AFF4: variants seen among roughly 807,000 people sequenced by gnomAD.
The protein encoded by AFF4 is AF4/FMR2 family member 4.
A neutral mutation model predicts 124.8 loss-of-function variants in AFF4; 13 were observed. The ratio of observed to expected loss-of-function variants is 0.10; its 90% CI spans 0.07 to 0.17. The LOEUF (loss-of-function observed/expected upper bound fraction) is 0.17. Among genes scored for constraint, AFF4 ranks in the 10% least tolerant of loss-of-function variants. AFF4 has a pLI of 1.00. For missense variants in AFF4, 1,092 were observed against 1,403.8 expected, an observed-to-expected ratio of 0.78 and a Z score of 3.55; for synonymous variants, 477 against 496.1, an observed-to-expected ratio of 0.96 and a Z score of 0.51.
intron 5 of AFF4, among the ~76,000 whole-genome samples, chr5:132,911,825 TA>T (rs1209501088): frequency 8.1e-6 from 1 of 123,058 alleles, no homozygotes; most frequent in East Asian, 2.3e-4. Context: ...AAGCAATGAT[TA>T]AAAAAAAACT....
At chr5:132,906,772 G>A (rs1020327834) in intron 5 of AFF4, among the ~76,000 whole-genome samples, 1 of 151,786 alleles carries the variant, frequency 6.6e-6, no homozygotes, top group African/African-American at 2.4e-5. Context: ...ATAGAGCAGT[G>A]GGCAAGAGGT....
chr5:132,948,512 C>A (rs17624246), intron 1 of AFF4: 22,614 of 152,942 alleles, frequency 0.15, 1,925 homozygotes, highest in Middle Eastern at 0.2. Context: ...CTCACAGTGA[C>A]GAGCATGTTC....
At chr5:132,921,126 CA>C (rs57115662) in intron 5 of AFF4, among the ~76,000 whole-genome samples, 34,232 of 87,668 alleles carry the variant, frequency 0.39, 4,170 homozygotes, top group East Asian at 0.6. Flanking sequence ...GACTCTGTCA[CA>C]AAAAAAAAAA....
chr5:132,944,292 G>GCGGAGCTTGCAGTGAGCCGAGA (rs1489618284), intron 1 of AFF4, among the ~76,000 whole-genome samples: 2 of 151,578 alleles, frequency 1.3e-5, no homozygotes, highest in African/African-American at 2.4e-5. Context: ...AGCCGAGATC[G>GCGGAGCTTGCAGTGAGCCGAGA]TGCCGCTGCA....
chr5:132,913,599 G>A (rs1472706747), intron 5 of AFF4, among the ~76,000 whole-genome samples: 2 of 152,030 alleles, frequency 1.3e-5, no homozygotes, highest in Non-Finnish European at 2.9e-5. Flanking sequence ...GCCCACCACC[G>A]TGCCCGGCTG....
At chr5:132,951,940 T>G (rs1761851808) in intron 1 of AFF4, among the ~76,000 whole-genome samples, 1 of 152,258 alleles carries the variant, frequency 6.6e-6, no homozygotes. Flanking sequence ...ACAACTCAGT[T>G]TTTTGAATCC....
At chr5:132,960,225 A>G (rs753980277) in intron 1 of AFF4, among the ~76,000 whole-genome samples, 12 of 152,246 alleles carry the variant, frequency 7.9e-5, no homozygotes, top group Non-Finnish European at 1.3e-4. Context: ...TGAATAAGGG[A>G]ATGGGTAAAA....
intron 1 of AFF4, among the ~76,000 whole-genome samples, chr5:132,952,443 G>A (rs1761866676): frequency 1.3e-5 from 2 of 152,168 alleles, no homozygotes; most frequent in South Asian, 4.1e-4. Context: ...TATACTCTTT[G>A]GCTTCTGTAA....
At chr5:132,899,991 C>T (rs1376021797) in intron 7 of AFF4, among the ~76,000 whole-genome samples, 2 of 152,112 alleles carry the variant, frequency 1.3e-5, no homozygotes, top group East Asian at 1.9e-4. Context: ...CAAAGTCATA[C>T]CCAACAATCC....
chr5:132,886,148 G>A (rs1760114084), intron 18 of AFF4, among the ~76,000 whole-genome samples, 162 bp downstream of exon 18: 1 of 152,156 alleles, frequency 6.6e-6, no homozygotes, highest in African/African-American at 2.4e-5. Flanking sequence ...GATACACGTA[G>A]ATTAAAAAAC....
intron 5 of AFF4, among the ~76,000 whole-genome samples, chr5:132,908,619 T>C (rs775939762): frequency 2.0e-5 from 3 of 151,662 alleles, no homozygotes; most frequent in Non-Finnish European, 1.5e-5. Context: ...ACAGTATTCA[T>C]ATTAGAACTG....
At chr5:132,907,344 T>C (rs188441295) in intron 5 of AFF4, among the ~76,000 whole-genome samples, 1 of 152,298 alleles carries the variant, frequency 6.6e-6, no homozygotes, top group Non-Finnish European at 1.5e-5. Flanking sequence ...AATGACTCTT[T>C]GTTTTTTCCT....
rs34527550 is a variant in AFF4, at chr5:132,934,659, T to G, written c.406A>C (p.Thr136Pro). 3,101 of 1,614,142 alleles carry G rather than the reference T, an allele frequency of 1.9e-3. 43 individuals carry two copies. The African/African-American group carries it at 0.035, about 18-fold the overall frequency. ...GLQSGHSSQR[T>P]SAGSSSGTNS... ...GTGCCACTACTGCTACCTGCGCTGGTCCGCTGGCTACTATGTCCACTCTGT... is the reference window on the plus strand; with the variant it reads ...GTGCCACTACTGCTACCTGCGCTGGGCCGCTGGCTACTATGTCCACTCTGT... Residue 136 changes from threonine (T) to proline (P), a missense_variant, in exon 3 of 21, where the codon ACC becomes CCC. Transcript: ENST00000265343.
At chr5:132,944,949 A>G (rs986023652) in intron 1 of AFF4, 1 of 150,322 alleles carries the variant, frequency 6.7e-6, no homozygotes, top group Non-Finnish European at 1.5e-5. Context: ...AAAAAAGAAA[A>G]AAAAATTTTT....
At chr5:132,949,913 A>C (rs1421586694) in intron 1 of AFF4, among the ~76,000 whole-genome samples, 2 of 151,370 alleles carry the variant, frequency 1.3e-5, no homozygotes, top group Non-Finnish European at 2.9e-5. Flanking sequence ...AGTCCTCGCT[A>C]CTTGGAGACT....
Position 132,879,809 on chromosome 5 carries a change from T to G in AFF4, c.*1250A>C. ...CACTCCCTGTCCCAAGAGCTCACAC[T>G]GAATCAAGTTAGGTACACTTTTCTA... On this transcript the variant is annotated 3_prime_UTR_variant, in exon 21 of 21. Transcript: ENST00000265343. 1 of 227,946 alleles carries G rather than the reference T, an allele frequency of 4.4e-6. No individual in the cohort carries two copies. Among genetic ancestry groups the G allele is most frequent in the Middle Eastern group, 1.3e-3 (1 of 746 alleles). 14.1% of individuals were successfully genotyped at this position (227,946 alleles called of 1,614,324 possible).
chr5:132,888,047 C>T, intron 15 of AFF4, 50 bp downstream of exon 15: 1 of 1,606,198 alleles, frequency 6.2e-7, no homozygotes, highest in Non-Finnish European at 8.5e-7. Context: ...CAGAAGATTA[C>T]TTAAGTTAAT....
Position 132,884,533 on chromosome 5 carries a change from C to A in AFF4, c.3143+543G>T, listed in dbSNP as rs759945662. On this transcript the variant is annotated intron_variant, in intron 19 of 20. Transcript: ENST00000265343. ...GGGATTACAGGCGTGAGCTACCATGCCCGGCTTGTTTGTATTTTTATCTGC... is the reference window on the plus strand; with the variant it reads ...GGGATTACAGGCGTGAGCTACCATGACCGGCTTGTTTGTATTTTTATCTGC... 7.2e-5 allele frequency among the ~76,000 whole-genome samples: 11 copies of A among 152,306 alleles called. No individual in the cohort carries two copies. The South Asian group carries it at 8.3e-4, about 11-fold the overall frequency.
chr5:132,914,383 A>G (rs187748085), intron 5 of AFF4, among the ~76,000 whole-genome samples: 7 of 151,436 alleles, frequency 4.6e-5, no homozygotes, highest in Non-Finnish European at 1.5e-5. Context: ...CGGGCAGATC[A>G]TGAGGTCAGG....
Sources: gnomAD v4.1 joint callset for allele counts (sites outside exome capture counted in the v4.1 genomes callset) on GRCh38, gnomAD v4.1.1 for gene constraint, MANE v1.5 for transcripts, NCBI Gene and HGNC (gene_info 2026-07-23, HGNC 2026-07-21) for gene names.